SYMPK: variants seen among roughly 807,000 people sequenced by gnomAD.
The protein encoded by SYMPK is symplekin.
SYMPK carries 49 observed loss-of-function variants against 136.4 expected under a neutral mutation model. The observed-to-expected ratio is 0.36, with a 90% CI of 0.29 to 0.46. The LOEUF (loss-of-function observed/expected upper bound fraction) is 0.46. Ranked by LOEUF, SYMPK falls within the 20% of genes least tolerant of loss-of-function variation. The pLI is 1.00. For synonymous variants in SYMPK, 766 were observed against 713.0 expected (o/e 1.07, Z -1.19); for missense variants, 1,365 against 1,690.0 (o/e 0.81, Z 3.37).
intron 1 of SYMPK, chr19:45,854,930 T>G (rs192034461): frequency 5.7e-6 from 1 of 174,904 alleles, no homozygotes; most frequent in South Asian, 1.2e-4. Flanking sequence ...CAGGTTGGAG[T>G]GTGGTGGTGC....
At position 45,848,895 on chromosome 19, in the gene SYMPK, A is replaced by T. The variant is rs368513480; in HGVS notation, c.300-19T>A. ...TCGCTTGCTGAGGGATGGAGAAAAAAGGGGCGAGGTCAAGGTGTGGTCTTA... is the reference window on the plus strand; with the variant it reads ...TCGCTTGCTGAGGGATGGAGAAAAATGGGGCGAGGTCAAGGTGTGGTCTTA... On this transcript the variant is annotated intron_variant, in intron 5 of 26. Coordinates refer to ENST00000245934, the MANE Select transcript of SYMPK (RefSeq NM_004819.3). The T allele has an allele frequency of 1.5e-5, 25 of 1,613,402 alleles. No individual in the cohort carries two copies. Among genetic ancestry groups the T allele is most frequent in the East Asian group, 2.2e-5 (1 of 44,864 alleles).
At chr19:45,836,212 G>A (rs994410471) in intron 10 of SYMPK, among the ~76,000 whole-genome samples, 25 of 151,678 alleles carry the variant, frequency 1.6e-4, no homozygotes, top group African/African-American at 4.6e-4. Context: ...CTCCCAAGTA[G>A]CGGGGATTAC....
At position 45,852,336 on chromosome 19, in the gene SYMPK, A is replaced by G. The variant is rs745799037; in HGVS notation, c.275T>C (p.Val92Ala). 2 of 1,614,102 alleles carry G rather than the reference A, an allele frequency of 1.2e-6. No individual in the cohort carries two copies. The highest frequency in any genetic ancestry group is 1.7e-6 in the Non-Finnish European group (2 of 1,180,044). The change falls in exon 5 of 27, where the codon GTC (valine) becomes GCC (alanine). Residue 92 changes from valine (V) to alanine (A), a missense_variant. Transcript: ENST00000245934. The part of the protein sequence containing the change: ...ADKSIEVRKF[V>A]IGFIEEACKR... ...CCATGCCTCCTCGATGAAGCCGATG[A>G]CAAATTTTCGCACTTCGATTGACTT... is the stretch of plus-strand genomic sequence containing the variant.
rs764926481 is a variant in SYMPK at position 45,842,510 on chromosome 19, G to A, written c.848-21C>T. On this transcript the variant is annotated intron_variant, in intron 8 of 26. Transcript: ENST00000245934. ...GTTGGCTGTGAGGAAAGTGGCAGGAGCTGTGTCTTGTGGAAGATCTCATGG... is the reference window on the plus strand; with the variant it reads ...GTTGGCTGTGAGGAAAGTGGCAGGAACTGTGTCTTGTGGAAGATCTCATGG... 7 of 1,600,988 alleles carry A rather than the reference G, an allele frequency of 4.4e-6. No individual in the cohort carries two copies. The African/African-American group carries it at 6.7e-5, about 15-fold the overall frequency.
At chr19:45,833,787 G>C (rs76258560) in intron 11 of SYMPK, among the ~76,000 whole-genome samples, 3 of 151,890 alleles carry the variant, frequency 2.0e-5, no homozygotes, top group Non-Finnish European at 4.4e-5. Context: ...AAAACACAAG[G>C]GTAAAATTCC....
In SYMPK at chr19:45,825,232, G is replaced by A; in HGVS notation, c.2429C>T (p.Ala810Val). The change falls in exon 18 of 27, where the codon GCC becomes GTC. Residue 810 changes from alanine to valine, a missense_variant. Coordinates refer to ENST00000245934, the MANE Select transcript of SYMPK (RefSeq NM_004819.3). ...GTCGGCGATGGCTTCAGTGTACACG[G>A]CCGCCAGTTCGTGGATCAGCTTGTG... ...QNHKLIHELAAVYTEAIADIK... is the reference protein window; with the variant it reads ...QNHKLIHELAVVYTEAIADIK... The A allele has an allele frequency of 6.2e-7, 1 of 1,614,190 alleles. No homozygotes were observed. Among genetic ancestry groups the A allele is most frequent in the East Asian group, 2.2e-5 (1 of 44,884 alleles).
chr19:45,847,577 C>A (rs1971594431), intron 7 of SYMPK, among the ~76,000 whole-genome samples, 175 bp downstream of exon 7: 1 of 152,146 alleles, frequency 6.6e-6, no homozygotes, highest in Non-Finnish European at 1.5e-5. Flanking sequence ...TGCCCAAGTT[C>A]ATGATGAGTA....
intron 7 of SYMPK, among the ~76,000 whole-genome samples, chr19:45,846,885 C>G (rs1229682905): frequency 1.3e-5 from 2 of 151,938 alleles, no homozygotes; most frequent in African/African-American, 4.8e-5. Flanking sequence ...CCTCTGCCTC[C>G]TGGGTTCAAG....
At chr19:45,823,672 G>T in intron 19 of SYMPK, 95 bp downstream of exon 19, 2 of 1,158,282 alleles carry the variant, frequency 1.7e-6, no homozygotes, top group South Asian at 2.7e-5. Flanking sequence ...CAAGAGGTAC[G>T]ACCATCTGGG....
chr19:45,829,295 A>G (rs1971117193), intron 13 of SYMPK, 90 bp from the exon 14 acceptor site: 3 of 1,112,348 alleles, frequency 2.7e-6, no homozygotes, highest in Non-Finnish European at 3.9e-6. Context: ...ACCCAGACGC[A>G]GGAACTCTCA....
rs370629413 is a variant in SYMPK at position 45,822,742 on chromosome 19, G to A, written c.2791+14C>T. 36 of 1,612,300 alleles carry A rather than the reference G, an allele frequency of 2.2e-5. No individual in the cohort carries two copies. The highest frequency in any genetic ancestry group is 2.9e-5 in the Non-Finnish European group (34 of 1,178,700). On this transcript the variant is annotated intron_variant, in intron 21 of 26. Coordinates refer to ENST00000245934, the MANE Select transcript of SYMPK (RefSeq NM_004819.3). ...GGGTGGGCCTCTTGGTGGGGATGAG[G>A]CTGCATCACCTACCATGCTGGGTGC... is the stretch of plus-strand genomic sequence containing the variant.
intron 18 of SYMPK, 56 bp downstream of exon 18, chr19:45,825,115 T>G: frequency 1.3e-6 from 2 of 1,577,388 alleles, no homozygotes; most frequent in Non-Finnish European, 1.7e-6. Context: ...GAGCTGGAGC[T>G]GGGGACACAG....
At chr19:45,850,219 T>A (rs557778205) in intron 5 of SYMPK, among the ~76,000 whole-genome samples, 2 of 152,170 alleles carry the variant, frequency 1.3e-5, no homozygotes, top group East Asian at 3.9e-4. Flanking sequence ...CACCCCAGTC[T>A]GGCCGACAGA....
chr19:45,830,874 G>A (rs1244395892), intron 12 of SYMPK: 1 of 152,070 alleles, frequency 6.6e-6, no homozygotes, highest in East Asian at 1.9e-4. Context: ...GGGAGACAGA[G>A]TGAGACTCCG....
chr19:45,858,917 C>T (rs927687766), intron 1 of SYMPK, among the ~76,000 whole-genome samples: 9 of 135,768 alleles, frequency 6.6e-5, no homozygotes, highest in African/African-American at 1.2e-4. Flanking sequence ...ATAAGTTCCA[C>T]GAGGACAGTG....
In SYMPK at chr19:45,821,055, C is replaced by T. The variant is rs1260409423; in HGVS notation, c.2893+329G>A. On this transcript the variant is annotated intron_variant, in intron 22 of 26. Coordinates refer to ENST00000245934, the MANE Select transcript of SYMPK (RefSeq NM_004819.3). The surrounding 1 kb of genome is among the most constrained non-coding windows in gnomAD (Gnocchi z 4.4). Reference sequence around the variant, plus strand: ...CCTCTACCACTCACGGTGTGCCCTGCTTCCTTCTGTTCCTCGGGGCTAGGG... The same window carrying T: ...CCTCTACCACTCACGGTGTGCCCTGTTTCCTTCTGTTCCTCGGGGCTAGGG... 3.2e-6 allele frequency: 2 copies of T among 623,796 alleles called. No individual in the cohort carries two copies. The highest frequency in any genetic ancestry group is 2.7e-5 in the Admixed American group (1 of 36,900). 38.6% of individuals were successfully genotyped at this position (623,796 alleles called of 1,614,324 possible).
chr19:45,842,630 G>T, intron 8 of SYMPK, 141 bp from the exon 9 acceptor site: 1 of 1,154,476 alleles, frequency 8.7e-7, no homozygotes. Context: ...CTAACGTGTG[G>T]CTTTCCGCCT....
intron 19 of SYMPK, 134 bp from the exon 20 acceptor site, chr19:45,823,606 T>C (rs1199031721): frequency 3.1e-6 from 3 of 969,288 alleles, no homozygotes; most frequent in Non-Finnish European, 4.8e-6. Context: ...CACGTGCAAT[T>C]AGCACCACAC....
At chr19:45,836,518 C>T (rs1198563662) in intron 10 of SYMPK, among the ~76,000 whole-genome samples, 1 of 151,634 alleles carries the variant, frequency 6.6e-6, no homozygotes, top group African/African-American at 2.4e-5. Context: ...GTAGTCCCAG[C>T]TACTCGGGAG....
Sources: gnomAD v4.1 joint callset for allele counts (sites outside exome capture counted in the v4.1 genomes callset) on GRCh38, gnomAD v4.1.1 for gene constraint, Gnocchi (gnomAD v3.1) non-coding constraint, MANE v1.5 for transcripts, NCBI Gene and HGNC (gene_info 2026-07-23, HGNC 2026-07-21) for gene names.